Variants in RPN2 observed in about 807,000 individuals in gnomAD.
RPN2 encodes dolichyl-diphosphooligosaccharide--protein glycosyltransferase subunit 2.
In RPN2, 29 loss-of-function variants were observed where a neutral mutation model predicts 71.4. That is an observed-to-expected ratio of 0.41 (90% confidence interval 0.30 to 0.55). RPN2 has a LOEUF of 0.55. Among genes scored for constraint, RPN2 ranks in the 20% least tolerant of loss-of-function variants. The pLI is 0.35. For synonymous variants in RPN2, 308 were observed against 305.0 expected, an observed-to-expected ratio of 1.01 and a Z score of -0.10; for missense variants, 726 against 774.1, an observed-to-expected ratio of 0.94 and a Z score of 0.74.
Position 37,207,368 on chromosome 20 carries a change from C to T in RPN2, c.786C>T (p.Leu262=). 6.2e-7 allele frequency: 1 copy of T among 1,614,130 alleles called. No individual in the cohort carries two copies. The highest frequency in any genetic ancestry group is 1.6e-4 in the Middle Eastern group (1 of 6,062). The part of the protein sequence containing the change: ...AFSVASAAAV[L]SHNRYHVPVV... ...GCGTGGCCTCTGCAGCTGCTGTGCT[C>T]TCGCATAATCGCTACCACGTGCCAG... Residue 262 remains leucine (L), a synonymous_variant, in exon 7 of 17, where the codon CTC becomes CTT. Transcript: ENST00000237530.
At position 37,198,475 on chromosome 20, in the gene RPN2, G is replaced by T; in HGVS notation, c.286G>T (p.Ala96Ser). 6.2e-7 allele frequency: 1 copy of T among 1,614,180 alleles called. No individual in the cohort carries two copies. Among genetic ancestry groups the T allele is most frequent in the Non-Finnish European group, 8.5e-7 (1 of 1,180,030 alleles). ...SLFYAAQASQ[A>S]LSGCEISISN... ...CTTCTACGCTGCCCAGGCCAGCCAG[G>T]CCCTCTCAGGATGTGAGGTGAGTCC... Residue 96 changes from alanine to serine, a missense_variant, in exon 3 of 17, where the codon GCC (alanine) becomes TCC (serine). Physicochemically the swap from Ala to Ser is moderately conservative, Grantham distance 99 (BLOSUM62 1). Coordinates refer to ENST00000237530, the MANE Select transcript of RPN2 (RefSeq NM_002951.5).
At chr20:37,232,251 T>G in intron 13 of RPN2, 45 bp from the exon 14 acceptor site, 1 of 1,606,914 alleles carries the variant, frequency 6.2e-7, no homozygotes, top group South Asian at 1.1e-5. Flanking sequence ...CTGCCCCTAC[T>G]GGGAAGGGCA....
At chr20:37,226,603 C>T (rs1425602966) in intron 11 of RPN2, among the ~76,000 whole-genome samples, 3 of 152,084 alleles carry the variant, frequency 2.0e-5, no homozygotes, top group Non-Finnish European at 4.4e-5. Flanking sequence ...TTATTCTAGC[C>T]AAAGCAGATT....
chr20:37,183,616 G>A (rs779622262), intron 1 of RPN2, among the ~76,000 whole-genome samples: 2 of 152,208 alleles, frequency 1.3e-5, no homozygotes, highest in Admixed American at 1.3e-4. Context: ...CTAATAAATG[G>A]CAGAGGTGTG....
At chr20:37,204,340 T>C (rs1397059964) in intron 5 of RPN2, among the ~76,000 whole-genome samples, 5 of 152,182 alleles carry the variant, frequency 3.3e-5, no homozygotes, top group African/African-American at 1.2e-4. Flanking sequence ...TATGTCTCTC[T>C]TTGTCTTTTG....
At chr20:37,182,664 G>A (rs1076686) in intron 1 of RPN2, among the ~76,000 whole-genome samples, 55,859 of 151,992 alleles carry the variant, frequency 0.37, 11,098 homozygotes, top group African/African-American at 0.49. Flanking sequence ...CCAAGTGTTG[G>A]GATTACAGAA....
At chr20:37,222,056 A>G (rs553172278) in intron 9 of RPN2, among the ~76,000 whole-genome samples, 2 of 152,320 alleles carry the variant, frequency 1.3e-5, no homozygotes, top group East Asian at 3.9e-4. Context: ...TGAGCCTTCC[A>G]TTCCAGTTTG....
chr20:37,215,390 G>A (rs566329118), intron 9 of RPN2, among the ~76,000 whole-genome samples: 2 of 152,312 alleles, frequency 1.3e-5, no homozygotes, highest in East Asian at 3.9e-4. Context: ...TGAGACATCT[G>A]ATCTTAGTTC....
chr20:37,190,027 T>C (rs141804912), intron 2 of RPN2, among the ~76,000 whole-genome samples: 500 of 152,252 alleles, frequency 3.3e-3, no homozygotes, highest in Non-Finnish European at 4.8e-3. Context: ...GGAGATAACA[T>C]TGAAATAGTA....
intron 14 of RPN2, among the ~76,000 whole-genome samples, chr20:37,233,223 AAAT>A (rs564812048): frequency 8.3e-4 from 126 of 152,212 alleles, no homozygotes; most frequent in African/African-American, 2.8e-3. Flanking sequence ...AAAAAAATAA[AAAT>A]AAGTTTTAAA....
intron 4 of RPN2, 127 bp downstream of exon 4, chr20:37,199,352 G>T (rs1568971447): frequency 8.1e-7 from 1 of 1,234,090 alleles, no homozygotes; most frequent in Non-Finnish European, 1.1e-6. Context: ...CGTGTGCCAG[G>T]TGCTCTGCAA....
intron 2 of RPN2, among the ~76,000 whole-genome samples, chr20:37,184,810 C>T (rs952758344): frequency 2.4e-4 from 37 of 152,216 alleles, no homozygotes; most frequent in African/African-American, 8.7e-4. Context: ...AAGTTTATTT[C>T]AGTTTGACAG....
rs2068547821 is a variant in RPN2, at chr20:37,241,419, A to C, written c.*104A>C. 1.5e-6 allele frequency: 2 copies of C among 1,340,984 alleles called. No individual in the cohort carries two copies. Among genetic ancestry groups the C allele is most frequent in the Non-Finnish European group, 2.1e-6 (2 of 966,474 alleles). 83.1% of individuals were successfully genotyped at this position (1,340,984 alleles called of 1,614,324 possible). On this transcript the variant is annotated 3_prime_UTR_variant, in exon 17 of 17. Coordinates refer to ENST00000237530, the MANE Select transcript of RPN2 (RefSeq NM_002951.5). The stretch of plus-strand genomic sequence containing the variant: ...AATGGAAAAAAAAAACTTTATTTAA[A>C]AAAGAAAAAAGTCCAGATTGTAGTT...
intron 6 of RPN2, among the ~76,000 whole-genome samples, chr20:37,206,748 GC>G (rs1235224824): frequency 1.3e-5 from 2 of 151,794 alleles, no homozygotes; most frequent in East Asian, 3.9e-4. Context: ...TTTCTCTGTC[GC>G]CCAGGTTGGA....
intron 9 of RPN2, among the ~76,000 whole-genome samples, chr20:37,221,084 T>TGATTAGC (rs1458168349): frequency 6.6e-6 from 1 of 152,214 alleles, no homozygotes; most frequent in East Asian, 1.9e-4. Flanking sequence ...TTAGCTGGCC[T>TGATTAGC]TGGTGGCCAG....
At chr20:37,207,247 A>G in intron 6 of RPN2, 26 bp from the exon 7 acceptor site, 1 of 1,596,272 alleles carries the variant, frequency 6.3e-7, no homozygotes, top group South Asian at 1.1e-5. Context: ...AGGAAGAGAA[A>G]CAGCTGCATT....
At chr20:37,229,898 T>G in intron 12 of RPN2, 75 bp from the exon 13 acceptor site, 1 of 1,114,084 alleles carries the variant, frequency 9.0e-7, no homozygotes, top group Non-Finnish European at 1.4e-6. Flanking sequence ...TAGATGTGAG[T>G]CAGAGAATAT....
intron 1 of RPN2, among the ~76,000 whole-genome samples, chr20:37,180,156 G>A (rs2066822702): frequency 6.6e-6 from 1 of 152,192 alleles, no homozygotes; most frequent in African/African-American, 2.4e-5. Context: ...TTTGACAGAT[G>A]AGAAGTTGGA....
At chr20:37,200,408 A>G (rs1310771857) in intron 4 of RPN2, 1 of 498,758 alleles carries the variant, frequency 2.0e-6, no homozygotes, top group Non-Finnish European at 4.1e-6. Context: ...TTTTTTTGTC[A>G]TTTTATTTGT....
Sources: allele counts gnomAD v4.1 joint callset (sites outside exome capture counted in the v4.1 genomes callset), GRCh38; gene constraint gnomAD v4.1.1; transcripts MANE v1.5; gene names NCBI Gene and HGNC (gene_info 2026-07-23, HGNC 2026-07-21).